RADIL: variants seen among roughly 807,000 people sequenced by gnomAD.
RADIL encodes the protein Rap associating with DIL domain.
Under a neutral mutation model 97.6 loss-of-function variants are expected in RADIL, and 99 were observed. That is an observed-to-expected ratio of 1.01 (90% confidence interval 0.86 to 1.20). The LOEUF (loss-of-function observed/expected upper bound fraction) is 1.20. Among genes scored for constraint, RADIL ranks in the 50% most tolerant of loss-of-function variants. RADIL has a pLI of 0.00. For synonymous variants in RADIL, 803 were observed against 691.8 expected, an observed-to-expected ratio of 1.16 and a Z score of -2.52; for missense variants, 1,765 against 1,498.9, an observed-to-expected ratio of 1.18 and a Z score of -2.93.
At chr7:4,845,931 T>C (rs562135036) in intron 2 of RADIL, among the ~76,000 whole-genome samples, 17 of 152,086 alleles carry the variant, frequency 1.1e-4, no homozygotes, top group Admixed American at 5.9e-4. Flanking sequence ...AACCAGGGGC[T>C]GTAGCCAGTT....
In RADIL at chr7:4,834,743, G is replaced by C; in HGVS notation, c.1280C>G (p.Pro427Arg). The stretch of plus-strand genomic sequence containing the variant: ...GGTCAGCTTGTGGTCGTCGCCCCCC[G>C]GCTCGATCAACGTCATGATCCTCTG... ...LLQRIMTLIE[P>R]GGDDHKLTPA... Residue 427 changes from proline (P) to arginine (R), a missense_variant, in exon 4 of 15, where the codon CCG becomes CGG. Physicochemically the swap from Pro to Arg is moderately radical, Grantham distance 103. Transcript: ENST00000399583. The surrounding 1 kb of genome is among the most constrained non-coding windows in gnomAD (Gnocchi z 6.0). 1 of 1,410,664 alleles carries C rather than the reference G, an allele frequency of 7.1e-7. No individual in the cohort carries two copies. The allele number at this position is 1,410,664 out of a possible 1,614,324, so 87.4% of individuals were successfully genotyped here.
intron 5 of RADIL, 92 bp downstream of exon 5, chr7:4,832,049 G>T: frequency 7.2e-7 from 1 of 1,384,392 alleles, no homozygotes; most frequent in Non-Finnish European, 1.0e-6. Flanking sequence ...CCCAAGGCGT[G>T]GGGAGACCCC....
intron 8 of RADIL, among the ~76,000 whole-genome samples, chr7:4,816,002 C>T (rs910107191): frequency 1.5e-4 from 23 of 152,314 alleles, no homozygotes; most frequent in African/African-American, 2.2e-4. Context: ...ACCTCTCGGC[C>T]GTGGCTTCTC....
Position 4,819,070 on chromosome 7 carries a change from CTCT to C in RADIL, c.1616-1722_1616-1720del, listed in dbSNP as rs1212776177. Among the ~76,000 whole-genome samples, 437 of 137,868 alleles carry C rather than the reference CTCT, an allele frequency of 3.2e-3. No individual in the cohort carries two copies. The highest frequency in any genetic ancestry group is 0.011 in the African/African-American group (377 of 32,968). 90.4% of individuals were successfully genotyped at this position (137,868 alleles called of 152,430 possible). Reference sequence around the variant, plus strand: ...AGACTCCATTTCTCTCTCTCTCTCTCTCTTTTTTTTTTTTTTTTAAAGACAGAG... The same window carrying C: ...AGACTCCATTTCTCTCTCTCTCTCTCTTTTTTTTTTTTTTTAAAGACAGAG... On this transcript the variant is annotated intron_variant, in intron 6 of 14. Coordinates refer to ENST00000399583, the MANE Select transcript of RADIL (RefSeq NM_018059.5). The surrounding 1 kb of genome is among the most constrained non-coding windows in gnomAD (Gnocchi z 5.8).
rs1782475102 is a variant in RADIL, at chr7:4,809,528, C to CT, written c.2140-3813dup. 3 of 985,342 alleles carry CT rather than the reference C, an allele frequency of 3.0e-6. No homozygotes were observed. The South Asian group carries it at 1.4e-4, about 46-fold the overall frequency. 61.0% of individuals were successfully genotyped at this position (985,342 alleles called of 1,614,324 possible). ...ACAAGAACAAGAACGTGGGCGGCGG[C>CT]TGCTCGGGAGCCCCCAGGCCCGCCC... On this transcript the variant is annotated intron_variant, in intron 9 of 14. Coordinates refer to ENST00000399583, the MANE Select transcript of RADIL (RefSeq NM_018059.5).
At chr7:4,861,943 C>T in intron 2 of RADIL, 1 of 502,138 alleles carries the variant, frequency 2.0e-6, no homozygotes, top group East Asian at 3.3e-5. Context: ...CCCACTCCCG[C>T]TGCGCGCCCG....
rs1252150523 is a variant in RADIL, at chr7:4,854,897, C to T, written c.536-18292G>A. Among the ~76,000 whole-genome samples the T allele has an allele frequency of 6.6e-6, 1 of 152,216 alleles. No individual in the cohort carries two copies. The highest frequency in any genetic ancestry group is 1.5e-5 in the Non-Finnish European group (1 of 68,042). On this transcript the variant is annotated intron_variant, in intron 2 of 14. Transcript: ENST00000399583. This position sits in a 1 kb window ranked among gnomAD's most constrained non-coding sequence, Gnocchi z 5.1. ...CATCTTCCTGCCTGTCCCCACCTCT[C>T]ACCCCACCAAAGGGAATCACTTTCC...
intron 10 of RADIL, 123 bp from the exon 11 acceptor site, chr7:4,803,877 T>C (rs760050745): frequency 1.1e-6 from 1 of 878,530 alleles, no homozygotes; most frequent in East Asian, 2.6e-5. Flanking sequence ...CCCTGCCCTG[T>C]GGACACAGGA....
In RADIL at chr7:4,808,596, C is replaced by T. The variant is rs114539676; in HGVS notation, c.2140-2880G>A. 2,615 of 985,396 alleles carry T rather than the reference C, an allele frequency of 2.7e-3. 45 individuals are homozygous for T. The African/African-American group carries it at 0.041, about 15-fold the overall frequency. 61.0% of individuals were successfully genotyped at this position (985,396 alleles called of 1,614,324 possible). A position where few individuals can be genotyped will look rare whatever the true frequency, so the allele number is the denominator to read the frequency against. ...GCCGCAAAGCCCGAAGTCCTCACAG[C>T]TTGGCCCTTTACAAGAAGCAGCCCC... On this transcript the variant is annotated intron_variant, in intron 9 of 14. Transcript: ENST00000399583.
Position 4,867,135 on chromosome 7 carries a change from CA to C in RADIL, c.535+10469del, listed in dbSNP as rs1483547406. 6.6e-6 allele frequency among the ~76,000 whole-genome samples: 1 copy of C among 152,072 alleles called. No individual in the cohort carries two copies. The highest frequency in any genetic ancestry group is 1.5e-5 in the Non-Finnish European group (1 of 68,014). On this transcript the variant is annotated intron_variant, in intron 2 of 14. Coordinates refer to ENST00000399583, the MANE Select transcript of RADIL (RefSeq NM_018059.5). This position sits in a 1 kb window ranked among gnomAD's most constrained non-coding sequence, Gnocchi z 4.1. ...CCTCTTTTCCTTATACATTACCAGC[CA>C]CAGGTATTCTGCTGTGGCAACAAGA...
In RADIL at chr7:4,877,634, G is replaced by T; in HGVS notation, c.506C>A (p.Ala169Glu). ...LRKRSDVEEL[A>E]AKEVDTITAG... ...CGTGATGGTGTCCACCTCCTTGGCT[G>T]CCAGCTCCTCCACGTCCGACCTCTT... is the stretch of plus-strand genomic sequence containing the variant. The change falls in exon 2 of 15, where the codon GCA becomes GAA. Residue 169 changes from alanine (A) to glutamate (E), a missense_variant. Transcript: ENST00000399583. 1 of 1,608,168 alleles carries T rather than the reference G, an allele frequency of 6.2e-7. No homozygotes were observed. The highest frequency in any genetic ancestry group is 8.5e-7 in the Non-Finnish European group (1 of 1,177,272).
intron 2 of RADIL, among the ~76,000 whole-genome samples, chr7:4,875,919 G>C (rs930328245): frequency 2.0e-5 from 3 of 152,254 alleles, no homozygotes; most frequent in Non-Finnish European, 2.9e-5. Context: ...GTGGAGGAAG[G>C]ATCCCCAGGT....
chr7:4,871,077 T>C (rs903246707), intron 2 of RADIL, among the ~76,000 whole-genome samples: 2 of 152,246 alleles, frequency 1.3e-5, no homozygotes, highest in African/African-American at 4.8e-5. Context: ...CAATAACTTT[T>C]CTAGTTTTAG....
intron 9 of RADIL, chr7:4,808,759 G>A (rs1782431972): frequency 2.0e-5 from 19 of 936,008 alleles, no homozygotes; most frequent in Non-Finnish European, 2.3e-5. Context: ...CAACGCCACT[G>A]CCCCCCGTTC....
chr7:4,828,975 C>G (rs1395981438), intron 5 of RADIL, among the ~76,000 whole-genome samples: 1 of 152,180 alleles, frequency 6.6e-6, no homozygotes, highest in Admixed American at 6.5e-5. Flanking sequence ...CACCTCAGCA[C>G]TTAGGAGGAT....
At position 4,837,768 on chromosome 7, in the gene RADIL, A is replaced by T; in HGVS notation, c.536-1163T>A. On this transcript the variant is annotated intron_variant, in intron 2 of 14. Coordinates refer to ENST00000399583, the MANE Select transcript of RADIL (RefSeq NM_018059.5). This position sits in a 1 kb window ranked among gnomAD's most constrained non-coding sequence, Gnocchi z 5.6. The stretch of plus-strand genomic sequence containing the variant: ...GACTTAATATCTCATAAATACAGAC[A>T]CGCTCTCTAAATGCATGCTCTGGGA... The T allele has an allele frequency of 2.3e-6, 2 of 882,724 alleles. No individual in the cohort carries two copies. Among genetic ancestry groups the T allele is most frequent in the Non-Finnish European group, 2.7e-6 (2 of 736,820 alleles). The allele number at this position is 882,724 out of a possible 1,614,324, so 54.7% of individuals were successfully genotyped here.
intron 2 of RADIL, among the ~76,000 whole-genome samples, chr7:4,862,329 C>T (rs752799923): frequency 6.6e-6 from 1 of 152,234 alleles, no homozygotes; most frequent in Admixed American, 6.5e-5. Context: ...AGTCCAAAGA[C>T]CCCTTCGTGG....
At position 4,803,719 on chromosome 7, in the gene RADIL, T is replaced by TG; in HGVS notation, c.2325dup (p.Ile776HisfsTer66). The TG allele has an allele frequency of 6.4e-7, 1 of 1,567,782 alleles. No homozygotes were observed. The highest frequency in any genetic ancestry group is 8.6e-7 in the Non-Finnish European group (1 of 1,157,088). On this transcript the variant is annotated frameshift_variant, in exon 11 of 15. Coordinates refer to ENST00000399583, the MANE Select transcript of RADIL (RefSeq NM_018059.5). LOFTEE classifies it high-confidence loss of function. ...TGGAAGCCGTCGCTGGGCAGGACGA[T>TG]GGGTGGGGGGTTTTCGTAGGACTCC... is the stretch of plus-strand genomic sequence containing the variant.
In RADIL at chr7:4,836,808, C is replaced by A. The variant is rs1206453598; in HGVS notation, c.536-203G>T. On this transcript the variant is annotated intron_variant, in intron 2 of 14. Transcript: ENST00000399583. ...CAAAAATGAGTTGGGCGTGGTGGTG[C>A]GCATCTGTAATCCCAGCTACTCAGG... Among the ~76,000 whole-genome samples, 8 of 152,146 alleles carry A rather than the reference C, an allele frequency of 5.3e-5. No homozygotes were observed. In the East Asian group the frequency reaches 1.6e-3, roughly 30 times the overall value.
Sources: gnomAD v4.1 joint callset for allele counts (sites outside exome capture counted in the v4.1 genomes callset) on GRCh38, gnomAD v4.1.1 for gene constraint, Gnocchi (gnomAD v3.1) non-coding constraint, MANE v1.5 for transcripts, NCBI Gene and HGNC (gene_info 2026-07-23, HGNC 2026-07-21) for gene names.